RPTOR: variants seen among roughly 807,000 people sequenced by gnomAD.
RPTOR encodes the protein regulatory-associated protein of mTOR.
A neutral mutation model predicts 169.9 loss-of-function variants in RPTOR; 21 were observed. The ratio of observed to expected loss-of-function variants is 0.12; its 90% confidence interval spans 0.09 to 0.18. RPTOR has a LOEUF of 0.18. Ranked by LOEUF, RPTOR falls within the 10% of genes least tolerant of loss-of-function variation. RPTOR has a pLI of 1.00. For synonymous variants in RPTOR, 732 were observed against 753.2 expected (o/e 0.97, Z 0.46); for missense variants, 1,133 against 1,855.9 (o/e 0.61, Z 7.16).
chr17:80,847,116 C>A (rs945834220), intron 11 of RPTOR, among the ~76,000 whole-genome samples: 1 of 152,270 alleles, frequency 6.6e-6, no homozygotes. Context: ...CTGAAGCACA[C>A]ACAGATCCGG....
intron 9 of RPTOR, among the ~76,000 whole-genome samples, chr17:80,825,742 T>G (rs1420053619): frequency 6.6e-6 from 1 of 152,224 alleles, no homozygotes; most frequent in East Asian, 1.9e-4. Flanking sequence ...TCTCCTCTCC[T>G]GGTTCTGACC....
intron 13 of RPTOR, among the ~76,000 whole-genome samples, chr17:80,858,522 C>A (rs915773952): frequency 6.6e-6 from 1 of 152,254 alleles, no homozygotes; most frequent in African/African-American, 2.4e-5. Flanking sequence ...ACAAGGTCAG[C>A]TGTCCCTGTC....
At position 80,932,146 on chromosome 17, in the gene RPTOR, C is replaced by CATATATATATATAT. The variant is rs57950527; in HGVS notation, c.2919+6672_2919+6685dup. Among the ~76,000 whole-genome samples the CATATATATATATAT allele has an allele frequency of 2.0e-3, 296 of 145,942 alleles. 3 individuals carry two copies. The highest frequency in any genetic ancestry group is 3.6e-3 in the South Asian group (16 of 4,440). On this transcript the variant is annotated intron_variant, in intron 24 of 33. Coordinates refer to ENST00000306801, the MANE Select transcript of RPTOR (RefSeq NM_020761.3). ...AGAGGCACACCCATTTCCAGGCATG[C>CATATATATATATAT]ATATATATATATATATATACACCTT...
intron 3 of RPTOR, among the ~76,000 whole-genome samples, chr17:80,687,978 C>T (rs1249189627): frequency 6.6e-6 from 1 of 152,180 alleles, no homozygotes; most frequent in African/African-American, 2.4e-5. Context: ...CTGCCTGAAG[C>T]TTCACCTCAG....
rs181036088 is a variant in RPTOR, at chr17:80,552,995, C to T, written c.162+7204C>T. 3.3e-4 allele frequency among the ~76,000 whole-genome samples: 51 copies of T among 152,300 alleles called. 1 individual carries two copies. The highest frequency in any genetic ancestry group is 3.2e-3 in the Admixed American group (49 of 15,288). ...GCTTCTCCTAGACCCTTGCAGGGAT[C>T]CACAAGGTCAAAACTGTTTTCATAA... On this transcript the variant is annotated intron_variant, in intron 1 of 33. Coordinates refer to ENST00000306801, the MANE Select transcript of RPTOR (RefSeq NM_020761.3).
intron 3 of RPTOR, among the ~76,000 whole-genome samples, chr17:80,703,455 A>G (rs573212448): frequency 3.9e-5 from 6 of 152,296 alleles, no homozygotes; most frequent in Admixed American, 2.6e-4. Context: ...GCTTCAGTGG[A>G]CGTTCCTGAT....
intron 17 of RPTOR, among the ~76,000 whole-genome samples, chr17:80,887,227 T>G (rs1164320181): frequency 1.6e-5 from 2 of 127,716 alleles, no homozygotes; most frequent in Non-Finnish European, 3.3e-5. Context: ...GTGCTGACTC[T>G]GGGGGGTGCC....
intron 6 of RPTOR, among the ~76,000 whole-genome samples, chr17:80,764,320 A>C (rs12603922): frequency 8.9e-5 from 8 of 89,978 alleles, no homozygotes; most frequent in Admixed American, 3.2e-4. Flanking sequence ...CCCTCCCCCC[A>C]CCCCACAACA....
intron 13 of RPTOR, among the ~76,000 whole-genome samples, chr17:80,870,324 T>C (rs2068038454): frequency 6.6e-6 from 1 of 152,232 alleles, no homozygotes; most frequent in Non-Finnish European, 1.5e-5. Context: ...GAACCCGCAC[T>C]ATGAAGAAAA....
chr17:80,939,007 C>G (rs552695401), intron 24 of RPTOR, among the ~76,000 whole-genome samples: 47 of 152,348 alleles, frequency 3.1e-4, no homozygotes, highest in African/African-American at 1.1e-3. Context: ...AGTCTTTATT[C>G]CCATTTCTTC....
At chr17:80,724,123 C>G (rs776305581) in intron 4 of RPTOR, among the ~76,000 whole-genome samples, 1 of 151,274 alleles carries the variant, frequency 6.6e-6, no homozygotes, top group Non-Finnish European at 1.5e-5. Flanking sequence ...GACAGAGATA[C>G]AGCATTTGAC....
chr17:80,828,898 A>G (rs1303479128), intron 9 of RPTOR, among the ~76,000 whole-genome samples: 2 of 152,244 alleles, frequency 1.3e-5, no homozygotes, highest in South Asian at 4.1e-4. Context: ...AGTATGCAAA[A>G]TATATGTTAA....
At chr17:80,913,898 G>A (rs2068641190) in intron 21 of RPTOR, among the ~76,000 whole-genome samples, 1 of 152,238 alleles carries the variant, frequency 6.6e-6, no homozygotes. Flanking sequence ...TCAAGCCACA[G>A]GTGGTCACCT....
chr17:80,660,063 G>A lies in RPTOR; in HGVS notation c.348+16253G>A, dbSNP rs535574553. Among the ~76,000 whole-genome samples, 271 of 152,208 alleles carry A rather than the reference G, an allele frequency of 1.8e-3. 1 individual carries two copies. Among genetic ancestry groups the A allele is most frequent in the African/African-American group, 6.3e-3 (263 of 41,540 alleles). ...AGGTGGGCGGATCATCTGAGGTCAG[G>A]AGTTCGAGACCAGTCTGGCCAACGT... On this transcript the variant is annotated intron_variant, in intron 3 of 33. Transcript: ENST00000306801.
chr17:80,699,999 G>C (rs369060944), intron 3 of RPTOR, among the ~76,000 whole-genome samples: 3 of 152,158 alleles, frequency 2.0e-5, no homozygotes, highest in African/African-American at 7.2e-5. Context: ...TAAAAGACAA[G>C]GGACATTTAA....
chr17:80,679,771 A>G (rs562297253), intron 3 of RPTOR, among the ~76,000 whole-genome samples: 1 of 152,366 alleles, frequency 6.6e-6, no homozygotes, highest in African/African-American at 2.4e-5. Flanking sequence ...TTGTCATTCA[A>G]AGTTCTGCCT....
intron 3 of RPTOR, among the ~76,000 whole-genome samples, chr17:80,686,629 A>C (rs1212132688): frequency 2.0e-5 from 3 of 152,138 alleles, no homozygotes; most frequent in Non-Finnish European, 4.4e-5. Context: ...TCGGCAGCGT[A>C]TCCATCTCTT....
intron 28 of RPTOR, among the ~76,000 whole-genome samples, chr17:80,949,762 A>G (rs2069150184): frequency 6.6e-6 from 1 of 152,206 alleles, no homozygotes; most frequent in South Asian, 2.1e-4. Context: ...AGCCCTGGGC[A>G]TGGTCTCAGC....
In RPTOR at chr17:80,904,084, G is replaced by T. The variant is rs563596950; in HGVS notation, c.2402-4727G>T. ...TGCAGACGCACCGCCCACCCGGCCC[G>T]GGAGGTGCTGCGTCTTCCCTGTGGG... On this transcript the variant is annotated intron_variant, in intron 20 of 33. Coordinates refer to ENST00000306801, the MANE Select transcript of RPTOR (RefSeq NM_020761.3). 2.0e-5 allele frequency among the ~76,000 whole-genome samples: 3 copies of T among 152,336 alleles called. No homozygotes were observed. In the South Asian group the frequency reaches 6.2e-4, roughly 32 times the overall value.
Sources: allele counts gnomAD v4.1 joint callset (sites outside exome capture counted in the v4.1 genomes callset), GRCh38; gene constraint gnomAD v4.1.1; transcripts MANE v1.5; gene names NCBI Gene and HGNC (gene_info 2026-07-23, HGNC 2026-07-21).